The following DAB1 variants were observed in gnomAD, a reference collection of about 807,000 sequenced individuals.
DAB1 encodes disabled homolog 1.
In DAB1, 15 loss-of-function variants were observed where a neutral mutation model predicts 64.6. That is an observed-to-expected ratio of 0.23 (90% CI 0.16 to 0.36). The LOEUF (loss-of-function observed/expected upper bound fraction) is 0.36. Among genes scored for constraint, DAB1 ranks in the 10% least tolerant of loss-of-function variants. DAB1 has a pLI of 1.00. For missense variants in DAB1, 596 were observed against 706.7 expected (o/e 0.84, Z 1.78); for synonymous variants, 235 against 251.9 (o/e 0.93, Z 0.64).
intron 1 of DAB1, among the ~76,000 whole-genome samples, chr1:57,830,040 T>C (rs1484508048): frequency 6.6e-6 from 1 of 152,164 alleles, no homozygotes; most frequent in African/African-American, 2.4e-5. Flanking sequence ...CCTGCTCTGC[T>C]ATGAGAACTG....
intron 5 of DAB1, among the ~76,000 whole-genome samples, chr1:57,913,825 T>C (rs369494680): frequency 2.0e-5 from 3 of 151,942 alleles, no homozygotes; most frequent in East Asian, 1.9e-4. Flanking sequence ...ATTTATGCAG[T>C]CAAAAGACAC....
chr1:57,581,701 A>G (rs1645314375), intron 7 of DAB1, among the ~76,000 whole-genome samples: 1 of 147,624 alleles, frequency 6.8e-6, no homozygotes, highest in African/African-American at 2.5e-5. Flanking sequence ...CATATACTAT[A>G]TAATAAATCT....
At chr1:57,704,100 C>T (rs1020487660) in intron 6 of DAB1, among the ~76,000 whole-genome samples, 1 of 151,998 alleles carries the variant, frequency 6.6e-6, no homozygotes, top group Admixed American at 6.6e-5. Context: ...AGGCTTAATA[C>T]CTGGGAGATA....
intron 1 of DAB1, among the ~76,000 whole-genome samples, chr1:57,339,392 G>A (rs12137583): frequency 0.25 from 37,522 of 152,092 alleles, 5,872 homozygotes; most frequent in Non-Finnish European, 0.36. Flanking sequence ...TCCTGACCTC[G>A]TGATCCACAC....
intron 7 of DAB1, among the ~76,000 whole-genome samples, chr1:57,512,816 T>G (rs1194902305): frequency 6.6e-6 from 1 of 152,092 alleles, no homozygotes; most frequent in Non-Finnish European, 1.5e-5. Flanking sequence ...CGGTTTAGGT[T>G]TGGGGGCATG....
intron 6 of DAB1, among the ~76,000 whole-genome samples, chr1:57,654,509 G>A (rs1646293093): frequency 6.6e-6 from 1 of 152,122 alleles, no homozygotes; most frequent in South Asian, 2.1e-4. Context: ...TTATAATTAT[G>A]TTCTATACTA....
intron 7 of DAB1, among the ~76,000 whole-genome samples, chr1:57,494,261 T>G (rs1644203028): frequency 6.6e-6 from 1 of 152,134 alleles, no homozygotes; most frequent in Admixed American, 6.5e-5. Flanking sequence ...CAATTTTTTT[T>G]TTTTTACATT....
intron 5 of DAB1, among the ~76,000 whole-genome samples, chr1:58,028,777 T>C (rs1043321453): frequency 7.9e-5 from 12 of 152,188 alleles, no homozygotes; most frequent in African/African-American, 2.4e-4. Context: ...AATCTGCAAA[T>C]AATAAGAATC....
At chr1:57,236,846 G>A (rs572733793) in intron 2 of DAB1, among the ~76,000 whole-genome samples, 264 of 152,298 alleles carry the variant, frequency 1.7e-3, no homozygotes, top group Middle Eastern at 3.4e-3. Flanking sequence ...GAGAGAATGC[G>A]GAGGAGGCAG....
At chr1:57,571,950 C>T (rs1645198220) in intron 7 of DAB1, among the ~76,000 whole-genome samples, 1 of 152,120 alleles carries the variant, frequency 6.6e-6, no homozygotes, top group Non-Finnish European at 1.5e-5. Flanking sequence ...TAAATTATCC[C>T]ATGGAAGGTG....
intron 5 of DAB1, among the ~76,000 whole-genome samples, chr1:58,037,942 G>A (rs1647071237): frequency 6.6e-6 from 1 of 152,118 alleles, no homozygotes; most frequent in Admixed American, 6.5e-5. Context: ...ACTCCTTAGA[G>A]AGAGGCAGCC....
chr1:57,028,383 T>G (rs1646859780), intron 9 of DAB1, among the ~76,000 whole-genome samples: 1 of 152,174 alleles, frequency 6.6e-6, no homozygotes, highest in African/African-American at 2.4e-5. Flanking sequence ...TAAACCTCTT[T>G]TTCTTCCCAG....
intron 7 of DAB1, among the ~76,000 whole-genome samples, chr1:57,603,249 A>G (rs1393155839): frequency 6.6e-6 from 1 of 152,206 alleles, no homozygotes; most frequent in Non-Finnish European, 1.5e-5. Context: ...CTGGGATTAC[A>G]GGCATGAGAC....
At chr1:57,439,692 G>C (rs1685863534) in intron 7 of DAB1, among the ~76,000 whole-genome samples, 1 of 150,282 alleles carries the variant, frequency 6.7e-6, no homozygotes, top group African/African-American at 2.5e-5. Flanking sequence ...CTCCCAAAGT[G>C]CTGGGATTAC....
chr1:57,519,818 G>A (rs1303702433), intron 7 of DAB1, among the ~76,000 whole-genome samples: 1 of 152,134 alleles, frequency 6.6e-6, no homozygotes. Context: ...CACTTCTATT[G>A]ATCTAAGGGA....
chr1:58,143,619 C>G (rs971635404), intron 5 of DAB1, among the ~76,000 whole-genome samples: 7 of 152,160 alleles, frequency 4.6e-5, no homozygotes, highest in Non-Finnish European at 1.0e-4. Flanking sequence ...AATAACAGCA[C>G]TTATTATTGT....
chr1:57,998,383 T>TTC (rs1293450485), intron 5 of DAB1, among the ~76,000 whole-genome samples: 3 of 142,604 alleles, frequency 2.1e-5, no homozygotes, highest in East Asian at 2.3e-4. Flanking sequence ...CATCTTTTTT[T>TTC]TCTCTCTTTT....
At chr1:57,836,448 A>G (rs1652812995) in intron 1 of DAB1, among the ~76,000 whole-genome samples, 1 of 151,930 alleles carries the variant, frequency 6.6e-6, no homozygotes, top group Admixed American at 6.6e-5. Context: ...CTCTGGTGGT[A>G]CTCTTCTTTT....
chr1:58,113,422 CA>C (rs1252009194), intron 5 of DAB1, among the ~76,000 whole-genome samples: 1 of 152,138 alleles, frequency 6.6e-6, no homozygotes, highest in African/African-American at 2.4e-5. Context: ...TATCATTTGC[CA>C]TTAGCAAACT....
Sources: allele counts gnomAD v4.1 joint callset (sites outside exome capture counted in the v4.1 genomes callset), GRCh38; gene constraint gnomAD v4.1.1; transcripts MANE v1.5; gene names NCBI Gene and HGNC (gene_info 2026-07-23, HGNC 2026-07-21).